The following PDE4B variants were observed in gnomAD, a reference collection of about 807,000 sequenced individuals.
The protein encoded by PDE4B is phosphodiesterase 4B.
PDE4B carries 20 observed loss-of-function variants against 82.2 expected under a neutral mutation model. The ratio of observed to expected loss-of-function variants is 0.24; its 90% CI spans 0.17 to 0.35. The LOEUF (loss-of-function observed/expected upper bound fraction) is 0.35, where lower values mean the gene tolerates loss of function less well. Among genes scored for constraint, PDE4B ranks in the 10% least tolerant of loss-of-function variants. PDE4B has a pLI of 1.00. For synonymous variants in PDE4B, 320 were observed against 318.9 expected (o/e 1.00, Z -0.04); for missense variants, 655 against 907.2 (o/e 0.72, Z 3.57).
intron 1 of PDE4B, among the ~76,000 whole-genome samples, chr1:65,808,076 G>A (rs1289796659): frequency 6.6e-6 from 1 of 152,102 alleles, no homozygotes; most frequent in South Asian, 2.1e-4. Context: ...AGACAGGATG[G>A]CCTAGGGGCA....
intron 3 of PDE4B, among the ~76,000 whole-genome samples, chr1:66,018,524 C>T (rs1169049794): frequency 6.6e-6 from 1 of 152,120 alleles, no homozygotes; most frequent in Non-Finnish European, 1.5e-5. Flanking sequence ...TTTTAATGTG[C>T]TTTGTGTAGA....
rs550473234 is a variant in PDE4B, at chr1:66,054,276, G to A, written c.281+135441G>A. On this transcript the variant is annotated intron_variant, in intron 3 of 16. Transcript: ENST00000341517. ...TATACATTTAGTTAGACAGGAACATGCATTCGGATATTTGTCATGATTCTT... is the reference window on the plus strand; with the variant it reads ...TATACATTTAGTTAGACAGGAACATACATTCGGATATTTGTCATGATTCTT... 9.2e-5 allele frequency among the ~76,000 whole-genome samples: 14 copies of A among 152,284 alleles called. No homozygotes were observed. In the South Asian group the frequency reaches 2.1e-3, roughly 23 times the overall value.
chr1:66,337,503 G>T (rs2101936401), intron 8 of PDE4B, among the ~76,000 whole-genome samples: 1 of 152,290 alleles, frequency 6.6e-6, no homozygotes, highest in Admixed American at 6.5e-5. Flanking sequence ...ACTTGTGTAG[G>T]AGGAACTTGG....
chr1:66,025,216 A>T (rs982083364), intron 3 of PDE4B, among the ~76,000 whole-genome samples: 1 of 152,148 alleles, frequency 6.6e-6, no homozygotes, highest in Non-Finnish European at 1.5e-5. Context: ...TTCAAAAAAT[A>T]GGCTTTGAGA....
chr1:66,329,455 C>A (rs1659958678), intron 7 of PDE4B, among the ~76,000 whole-genome samples: 1 of 152,154 alleles, frequency 6.6e-6, no homozygotes, highest in South Asian at 2.1e-4. Context: ...AATTTTACTG[C>A]TTTTTCAACA....
At chr1:65,960,267 C>T (rs531716899) in intron 3 of PDE4B, among the ~76,000 whole-genome samples, 80 of 151,972 alleles carry the variant, frequency 5.3e-4, no homozygotes, top group Non-Finnish European at 1.1e-3. Flanking sequence ...GCAGTAAATT[C>T]GCAGAACACA....
intron 1 of PDE4B, among the ~76,000 whole-genome samples, chr1:65,807,696 T>G (rs912037138): frequency 2.0e-5 from 3 of 152,236 alleles, no homozygotes; most frequent in African/African-American, 7.2e-5. Flanking sequence ...AACGGTCTCT[T>G]GGCTATTTTC....
At chr1:66,018,273 C>T (rs1167868451) in intron 3 of PDE4B, among the ~76,000 whole-genome samples, 1 of 151,774 alleles carries the variant, frequency 6.6e-6, no homozygotes, top group Non-Finnish European at 1.5e-5. Flanking sequence ...AAAAATTAGC[C>T]GGGCATGGTG....
intron 3 of PDE4B, among the ~76,000 whole-genome samples, chr1:66,217,344 A>G (rs142526115): frequency 1.3e-5 from 2 of 152,256 alleles, no homozygotes; most frequent in African/African-American, 4.8e-5. Flanking sequence ...ATGACTAGCA[A>G]CAGTGGGAAG....
intron 3 of PDE4B, among the ~76,000 whole-genome samples, chr1:66,196,857 C>A (rs1202193018): frequency 6.6e-6 from 1 of 151,126 alleles, no homozygotes; most frequent in Non-Finnish European, 1.5e-5. Context: ...ATACCTAATG[C>A]TAGATGACAA....
At chr1:66,327,343 T>C (rs775636156) in intron 7 of PDE4B, among the ~76,000 whole-genome samples, 1 of 152,258 alleles carries the variant, frequency 6.6e-6, no homozygotes, top group Non-Finnish European at 1.5e-5. Flanking sequence ...ATCCTATTTA[T>C]GTTATATACA....
chr1:66,034,439 CAGT>C (rs932392778), intron 3 of PDE4B, among the ~76,000 whole-genome samples: 10 of 152,098 alleles, frequency 6.6e-5, no homozygotes, highest in African/African-American at 1.9e-4. Context: ...ATGTTATAGA[CAGT>C]AAATTTAAAT....
chr1:65,873,831 T>C (rs1646603818), intron 1 of PDE4B, among the ~76,000 whole-genome samples: 1 of 152,168 alleles, frequency 6.6e-6, no homozygotes, highest in Non-Finnish European at 1.5e-5. Flanking sequence ...TTATTTTCCT[T>C]ATCTATAGTT....
At position 65,889,960 on chromosome 1, in the gene PDE4B, C is replaced by T. The variant is rs572152032; in HGVS notation, c.-70-23285C>T. On this transcript the variant is annotated intron_variant, in intron 1 of 16. Transcript: ENST00000341517. ...CCAAAGGTTAAACATACCCCAAAAC[C>T]GAATCATGCCAAGGCAAGCTCAATA... 6.6e-5 allele frequency among the ~76,000 whole-genome samples: 10 copies of T among 152,146 alleles called. No individual in the cohort carries two copies. In the East Asian group the frequency reaches 7.7e-4, roughly 12 times the overall value.
chr1:66,009,222 C>A (rs900144133), intron 3 of PDE4B, among the ~76,000 whole-genome samples: 5 of 152,162 alleles, frequency 3.3e-5, no homozygotes, highest in African/African-American at 9.6e-5. Flanking sequence ...TCTGATATTT[C>A]CCATTTCAAA....
At chr1:66,106,758 T>G (rs986954964) in intron 3 of PDE4B, among the ~76,000 whole-genome samples, 5 of 149,292 alleles carry the variant, frequency 3.3e-5, no homozygotes, top group African/African-American at 7.4e-5. Context: ...GATGGTAGTT[T>G]GTATTTCTGT....
chr1:66,172,587 T>C (rs1168203748), intron 3 of PDE4B, among the ~76,000 whole-genome samples: 1 of 152,228 alleles, frequency 6.6e-6, no homozygotes, highest in African/African-American at 2.4e-5. Flanking sequence ...AAGTGTTCCC[T>C]TTTCTCTGCA....
chr1:66,114,068 G>A (rs945504799), intron 3 of PDE4B, among the ~76,000 whole-genome samples: 2 of 152,170 alleles, frequency 1.3e-5, no homozygotes, highest in Admixed American at 1.3e-4. Context: ...ATTAGATCAT[G>A]AGGGCAGAGC....
intron 3 of PDE4B, among the ~76,000 whole-genome samples, chr1:66,236,418 T>C (rs1017289537): frequency 6.6e-6 from 1 of 152,106 alleles, no homozygotes; most frequent in Non-Finnish European, 1.5e-5. Flanking sequence ...TTTAAAGAGA[T>C]TTTAATAAGA....
Sources: gnomAD v4.1 joint callset for allele counts (sites outside exome capture counted in the v4.1 genomes callset) on GRCh38, gnomAD v4.1.1 for gene constraint, MANE v1.5 for transcripts, NCBI Gene and HGNC (gene_info 2026-07-23, HGNC 2026-07-21) for gene names.